Variants in TH observed in about 807,000 individuals in gnomAD.
TH encodes the protein tyrosine hydroxylase, also known as tyrosine 3-monooxygenase.
A neutral mutation model predicts 57.4 loss-of-function variants in TH; 49 were observed. The observed-to-expected ratio is 0.85, with a 90% confidence interval of 0.68 to 1.08. TH has a LOEUF of 1.08. Among genes scored for constraint, TH ranks in the 50% least tolerant of loss-of-function variants. TH has a pLI of 0.00. For synonymous variants in TH, 330 were observed against 304.5 expected, an observed-to-expected ratio of 1.08 and a Z score of -0.87; for missense variants, 720 against 696.7, an observed-to-expected ratio of 1.03 and a Z score of -0.38.
chr11:2,169,178 G>A (rs1382503639), intron 2 of TH, among the ~76,000 whole-genome samples: 1 of 152,100 alleles, frequency 6.6e-6, no homozygotes, highest in African/African-American at 2.4e-5. Context: ...GCTGGGGGGC[G>A]GGGAGTCTGG....
At position 2,171,661 on chromosome 11, in the gene TH, C is replaced by T; in HGVS notation, c.90+36G>A. ...GCTGGCACCAGCCCTGGGCTCCGGT[C>T]CACTGCGGCCGCCGGGCACCTACCT... On this transcript the variant is annotated intron_variant, in intron 1 of 12. Coordinates refer to ENST00000352909, the MANE Select transcript of TH (RefSeq NM_000360.4). The surrounding 1 kb of genome is among the most constrained non-coding windows in gnomAD (Gnocchi z 8.6). The T allele has an allele frequency of 6.2e-7, 1 of 1,605,016 alleles. No individual in the cohort carries two copies. The highest frequency in any genetic ancestry group is 8.5e-7 in the Non-Finnish European group (1 of 1,177,626).
At position 2,167,336 on chromosome 11, in the gene TH, C is replaced by T. The variant is rs7925924; in HGVS notation, c.695+99G>A. 0.98 allele frequency: 1,352,798 copies of T among 1,376,438 alleles called. 667,505 individuals are homozygous for T. The highest frequency in any genetic ancestry group is 1 in the East Asian group (40,067 of 40,068). The allele number at this position is 1,376,438 out of a possible 1,614,324, so 85.3% of individuals were successfully genotyped here. A position where few individuals can be genotyped will look rare whatever the true frequency, so the allele number is the denominator to read the frequency against. On this transcript the variant is annotated intron_variant, in intron 6 of 12. Transcript: ENST00000352909. ...CTCTTCTTCCCGGCCTTAGTCTCTC[C>T]TGTTGTGCCAAGGTCCCTGGAGGCG...
Position 2,166,914 on chromosome 11 carries a change from G to C in TH, c.814C>G (p.Leu272Val). Residue 272 changes from leucine (L) to valine (V), a missense_variant, in exon 7 of 13, where the codon CTG becomes GTG. Leu to Val is a conservative substitution (Grantham distance 32). Transcript: ENST00000352909. ...SGYREDNIPQ[L>V]EDVSRFLKER... ...TTCAGGAAGCGGGAGACGTCCTCCA[G>C]CTGGGGGATATTGTCTTCCCGGTAG... 1.2e-6 allele frequency: 2 copies of C among 1,604,512 alleles called. No individual in the cohort carries two copies. The highest frequency in any genetic ancestry group is 1.1e-5 in the South Asian group (1 of 89,248).
At position 2,165,338 on chromosome 11, in the gene TH, G is replaced by A. The variant is rs575326605; in HGVS notation, c.1228C>T (p.Arg410Trp). 6.3e-5 allele frequency: 101 copies of A among 1,611,846 alleles called. No individual in the cohort carries two copies. The Admixed American group carries it at 7.7e-4, about 12-fold the overall frequency. Residue 410 changes from arginine (R) to tryptophan (W), a missense_variant, in exon 12 of 13, where the codon CGG (arginine) becomes TGG (tryptophan). Coordinates refer to ENST00000352909, the MANE Select transcript of TH (RefSeq NM_000360.4). ...LHCLSEEPEI[R>W]AFDPEAAAVQ... ...GCCGCAGCCTCAGGGTCGAAGGCCC[G>A]AATCTCAGGCTCCTCAGACAGGCAG...
At position 2,164,120 on chromosome 11, in the gene TH, G is replaced by A; in HGVS notation, c.*113C>T. ...CAGGTGCAGGGGCAGTGGGAGCCTGGCAGCAGGGAGGGCATGGGGGGCACC... is the reference window on the plus strand; with the variant it reads ...CAGGTGCAGGGGCAGTGGGAGCCTGACAGCAGGGAGGGCATGGGGGGCACC... On this transcript the variant is annotated 3_prime_UTR_variant, in exon 13 of 13. Coordinates refer to ENST00000352909, the MANE Select transcript of TH (RefSeq NM_000360.4). 1.0e-6 allele frequency: 1 copy of A among 977,006 alleles called. No homozygotes were observed. The highest frequency in any genetic ancestry group is 1.4e-6 in the Non-Finnish European group (1 of 732,524). The allele number at this position is 977,006 out of a possible 1,614,324, so 60.5% of individuals were successfully genotyped here. A position where few individuals can be genotyped will look rare whatever the true frequency, so the allele number is the denominator to read the frequency against.
At position 2,168,638 on chromosome 11, in the gene TH, C is replaced by T. The variant is rs759435668; in HGVS notation, c.340G>A (p.Glu114Lys). The T allele has an allele frequency of 7.5e-6, 12 of 1,607,644 alleles. No individual in the cohort carries two copies. The highest frequency in any genetic ancestry group is 1.7e-4 in the Middle Eastern group (1 of 5,990). The stretch of plus-strand genomic sequence containing the variant: ...CGCGGCCTCTGGGCGGGCCGGGTCT[C>T]TAGATGGTGGATTTTGGCTTCAAAC... ...ETFEAKIHHL[E>K]TRPAQRPRAG... The change falls in exon 3 of 13, where the codon GAG becomes AAG. Residue 114 changes from glutamate to lysine, a missense_variant. Glu to Lys is a moderately conservative substitution (Grantham distance 56, BLOSUM62 1). Transcript: ENST00000352909.
rs755237372 is a variant in TH at position 2,168,484 on chromosome 11, G to A, written c.487+7C>T. 1.2e-5 allele frequency: 19 copies of A among 1,612,090 alleles called. No individual in the cohort carries two copies. Among genetic ancestry groups the A allele is most frequent in the Middle Eastern group, 1.7e-4 (1 of 5,994 alleles). The stretch of plus-strand genomic sequence containing the variant: ...TGGTGGCCCTCAAGGACAGAAAACC[G>A]CCTCACCCTTGGGCCCCGCGGGGCT... On this transcript the variant is annotated splice_region_variant and intron_variant, in intron 3 of 12. Transcript: ENST00000352909.
In TH at chr11:2,164,307, C is replaced by G; in HGVS notation, c.1420G>C (p.Ala474Pro). ...LAIDVLDSPQ[A>P]VRRSLEGVQD... ...ACACCCTCCAGGGAGCGCCGCACGG[C>G]CTGGGGGCTGTCCAGCACGTCGATG... is the stretch of plus-strand genomic sequence containing the variant. Residue 474 changes from alanine (A) to proline (P), a missense_variant, in exon 13 of 13, where the codon GCC becomes CCC. Coordinates refer to ENST00000352909, the MANE Select transcript of TH (RefSeq NM_000360.4). The G allele has an allele frequency of 6.5e-7, 1 of 1,532,180 alleles. No individual in the cohort carries two copies. The highest frequency in any genetic ancestry group is 8.8e-7 in the Non-Finnish European group (1 of 1,136,868). 94.9% of individuals were successfully genotyped at this position (1,532,180 alleles called of 1,614,324 possible). A position where few individuals can be genotyped will look rare whatever the true frequency, so the allele number is the denominator to read the frequency against.
chr11:2,166,366 G>T, intron 9 of TH, 114 bp downstream of exon 9: 1 of 1,368,184 alleles, frequency 7.3e-7, no homozygotes, highest in Non-Finnish European at 9.8e-7. Flanking sequence ...AGCCTCCTTG[G>T]CGGGGCCCGG....
At chr11:2,167,391 T>A (rs1475742624) in intron 6 of TH, 44 bp downstream of exon 6, 1 of 1,547,626 alleles carries the variant, frequency 6.5e-7, no homozygotes, top group Non-Finnish European at 8.7e-7. Flanking sequence ...CCAGGAGGCA[T>A]CCCCCGGGCT....
intron 1 of TH, 31 bp from the exon 2 acceptor site, chr11:2,169,902 C>A: frequency 6.3e-7 from 1 of 1,593,278 alleles, no homozygotes; most frequent in East Asian, 2.3e-5. Context: ...CATGCCTCCT[C>A]CACCTGCTGA....
In TH at chr11:2,164,135, T is replaced by C; in HGVS notation, c.*98A>G. 8.7e-7 allele frequency: 1 copy of C among 1,154,800 alleles called. No homozygotes were observed. 71.5% of individuals were successfully genotyped at this position (1,154,800 alleles called of 1,614,324 possible). On this transcript the variant is annotated 3_prime_UTR_variant, in exon 13 of 13. Transcript: ENST00000352909. Reference sequence around the variant, plus strand: ...TGGGAGCCTGGCAGCAGGGAGGGCATGGGGGGCACCCGGGACCCAGCCCCT... The same window carrying C: ...TGGGAGCCTGGCAGCAGGGAGGGCACGGGGGGCACCCGGGACCCAGCCCCT...
chr11:2,168,525 C>T lies in TH; in HGVS notation c.453G>A (p.Val151=). Residue 151 remains valine, a synonymous_variant, in exon 3 of 13, where the codon GTG becomes GTA. Transcript: ENST00000352909. ...CCGCGGGGCTGCGCACGTCCTCTGA[C>T]ACCTGGCGCACACCACTGAGCAGGG... The part of the protein sequence containing the change: ...LAALLSGVRQ[V]SEDVRSPAGP... 1 of 1,612,350 alleles carries T rather than the reference C, an allele frequency of 6.2e-7. No individual in the cohort carries two copies. Among genetic ancestry groups the T allele is most frequent in the Non-Finnish European group, 8.5e-7 (1 of 1,179,840 alleles).
Position 2,171,618 on chromosome 11 carries a change from TG to T in TH, c.90+78del. ...CTGAGCCTGGGGCTGCCAGCCAGGCTGGGGAGTAGCAGAGGCAGCTGGCACC... is the reference window on the plus strand; with the variant it reads ...CTGAGCCTGGGGCTGCCAGCCAGGCTGGGAGTAGCAGAGGCAGCTGGCACC... On this transcript the variant is annotated intron_variant, in intron 1 of 12. Coordinates refer to ENST00000352909, the MANE Select transcript of TH (RefSeq NM_000360.4). The surrounding 1 kb of genome is among the most constrained non-coding windows in gnomAD (Gnocchi z 8.6). 6.6e-7 allele frequency: 1 copy of T among 1,512,630 alleles called. No individual in the cohort carries two copies. The highest frequency in any genetic ancestry group is 9.1e-7 in the Non-Finnish European group (1 of 1,103,206). 93.7% of individuals were successfully genotyped at this position (1,512,630 alleles called of 1,614,324 possible). A position where few individuals can be genotyped will look rare whatever the true frequency, so the allele number is the denominator to read the frequency against.
Position 2,168,580 on chromosome 11 carries a change from C to G in TH, c.398G>C (p.Arg133Pro). 1 of 1,611,840 alleles carries G rather than the reference C, an allele frequency of 6.2e-7. No homozygotes were observed. The highest frequency in any genetic ancestry group is 1.3e-5 in the African/African-American group (1 of 75,042). ...AGGPHLEYFVRLEVRRGDLAA... is the reference protein window; with the variant it reads ...AGGPHLEYFVPLEVRRGDLAA... ...CAGGTCCCCTCGGCGCACCTCGAGG[C>G]GCACGAAGTACTCCAGGTGGGGGCC... is the stretch of plus-strand genomic sequence containing the variant. The change falls in exon 3 of 13, where the codon CGC (arginine) becomes CCC (proline). Residue 133 changes from arginine (R) to proline (P), a missense_variant. Transcript: ENST00000352909.
Position 2,170,734 on chromosome 11 carries a change from G to C in TH, c.91-863C>G. On this transcript the variant is annotated intron_variant, in intron 1 of 12. Transcript: ENST00000352909. This position sits in a 1 kb window ranked among gnomAD's most constrained non-coding sequence, Gnocchi z 6.0. The stretch of plus-strand genomic sequence containing the variant: ...GATGCAGCTGGGGCTGCAGTTCCAG[G>C]CCACGGAGAGCCTGTGAGGCTGGGC... 6.3e-7 allele frequency: 1 copy of C among 1,594,580 alleles called. No individual in the cohort carries two copies. The highest frequency in any genetic ancestry group is 8.5e-7 in the Non-Finnish European group (1 of 1,173,304).
Position 2,168,177 on chromosome 11 carries a change from G to A in TH, c.490C>T (p.Pro164Ser), listed in dbSNP as rs1448053805. 2.5e-6 allele frequency: 4 copies of A among 1,613,400 alleles called. No individual in the cohort carries two copies. In the Admixed American group the frequency reaches 6.7e-5, roughly 27 times the overall value. ...DVRSPAGPKV[P>S]WFPRKVSELD... Reference sequence around the variant, plus strand: ...TCTGACACTTTTCTTGGGAACCAGGGGACTTTATGGGTGATGGAGGAAGAG... The same window carrying A: ...TCTGACACTTTTCTTGGGAACCAGGAGACTTTATGGGTGATGGAGGAAGAG... The change falls in exon 4 of 13, where the codon CCC (proline) becomes TCC (serine). Residue 164 changes from proline (P) to serine (S), a missense_variant and splice_region_variant. Coordinates refer to ENST00000352909, the MANE Select transcript of TH (RefSeq NM_000360.4).
At position 2,167,158 on chromosome 11, in the gene TH, G is replaced by C. The variant is rs7942881; in HGVS notation, c.696-126C>G. On this transcript the variant is annotated intron_variant, in intron 6 of 12. Coordinates refer to ENST00000352909, the MANE Select transcript of TH (RefSeq NM_000360.4). ...CGCAGGCCTCTTGGGGACCCCTGAA[G>C]ACCCAGGCCCCCGGGAGGGGCTTTT... The C allele has an allele frequency of 0.98, 1,385,176 of 1,408,794 alleles. 683,698 individuals carry two copies. The highest frequency in any genetic ancestry group is 1 in the East Asian group (39,954 of 39,956). The allele number at this position is 1,408,794 out of a possible 1,614,324, so 87.3% of individuals were successfully genotyped here. A position where few individuals can be genotyped will look rare whatever the true frequency, so the allele number is the denominator to read the frequency against.
At chr11:2,167,715 G>A (rs993382731) in intron 5 of TH, 151 bp downstream of exon 5, 1 of 1,168,092 alleles carries the variant, frequency 8.6e-7, no homozygotes, top group Admixed American at 2.0e-5. Flanking sequence ...GGGATTTGGG[G>A]ACATGGAAAG....
Sources: gnomAD v4.1 joint callset for allele counts (sites outside exome capture counted in the v4.1 genomes callset) on GRCh38, gnomAD v4.1.1 for gene constraint, Gnocchi (gnomAD v3.1) non-coding constraint, MANE v1.5 for transcripts, NCBI Gene and HGNC (gene_info 2026-07-23, HGNC 2026-07-21) for gene names.